SCAMP1: variants seen among roughly 807,000 people sequenced by gnomAD.
The protein encoded by SCAMP1 is secretory carrier membrane protein 1.
In SCAMP1, 15 loss-of-function variants were observed where a neutral mutation model predicts 41.8. That is an observed-to-expected ratio of 0.36 (90% CI 0.24 to 0.55). The LOEUF (loss-of-function observed/expected upper bound fraction) is 0.55. Ranked by LOEUF, SCAMP1 falls within the 20% of genes least tolerant of loss-of-function variation. SCAMP1 has a pLI of 0.86. For missense variants in SCAMP1, 341 were observed against 412.6 expected, an observed-to-expected ratio of 0.83 and a Z score of 1.50; for synonymous variants, 135 against 136.8, an observed-to-expected ratio of 0.99 and a Z score of 0.09.
At chr5:78,431,427 A>G (rs555362091) in intron 6 of SCAMP1, among the ~76,000 whole-genome samples, 57 of 151,706 alleles carry the variant, frequency 3.8e-4, no homozygotes, top group African/African-American at 1.4e-3. Context: ...TGCTTATGCC[A>G]TTTATATTTA....
intron 2 of SCAMP1, among the ~76,000 whole-genome samples, chr5:78,395,702 C>G (rs570854119): frequency 1.9e-4 from 29 of 152,300 alleles, no homozygotes; most frequent in African/African-American, 6.7e-4. Flanking sequence ...AGCTGGAGGC[C>G]AACCATTGAT....
intron 2 of SCAMP1, among the ~76,000 whole-genome samples, chr5:78,395,742 T>A (rs1271741988): frequency 6.6e-6 from 1 of 152,256 alleles, no homozygotes; most frequent in African/African-American, 2.4e-5. Flanking sequence ...CTCCAGAGGC[T>A]GTATAGTTTC....
At chr5:78,440,830 GCCT>G (rs1411046516) in intron 6 of SCAMP1, among the ~76,000 whole-genome samples, 3 of 152,340 alleles carry the variant, frequency 2.0e-5, no homozygotes, top group African/African-American at 7.2e-5. Flanking sequence ...AGGCAGGCAG[GCCT>G]CCTTGAGTTG....
intron 6 of SCAMP1, among the ~76,000 whole-genome samples, chr5:78,422,568 G>T (rs1173772239): frequency 2.0e-5 from 3 of 150,514 alleles, no homozygotes; most frequent in Non-Finnish European, 2.9e-5. Flanking sequence ...GGTGCTGGGG[G>T]AGAAAAAAAG....
Position 78,480,245 on chromosome 5 carries a change from A to G in SCAMP1, c.*4577A>G, listed in dbSNP as rs1754110049. ...CCCTCCTAACACTAAAAGCCATTTA[A>G]TCTTTTCTGTAATAGGAGCAGAAAA... is the stretch of plus-strand genomic sequence containing the variant. On this transcript the variant is annotated 3_prime_UTR_variant, in exon 9 of 9. Coordinates refer to ENST00000621999, the MANE Select transcript of SCAMP1 (RefSeq NM_004866.6). 6.6e-6 allele frequency among the ~76,000 whole-genome samples: 1 copy of G among 152,192 alleles called. No homozygotes were observed. Among genetic ancestry groups the G allele is most frequent in the South Asian group, 2.1e-4 (1 of 4,832 alleles).
chr5:78,364,205 C>T (rs147568284), intron 1 of SCAMP1, among the ~76,000 whole-genome samples: 89 of 152,174 alleles, frequency 5.8e-4, no homozygotes, highest in African/African-American at 1.9e-3. Context: ...GTTTAATAAC[C>T]AGCAGAGGTC....
At chr5:78,426,180 T>A (rs534822144) in intron 6 of SCAMP1, among the ~76,000 whole-genome samples, 1 of 152,344 alleles carries the variant, frequency 6.6e-6, no homozygotes, top group South Asian at 2.1e-4. Flanking sequence ...CACATTTTCT[T>A]TATCCAATCT....
At chr5:78,429,345 GTTT>G (rs781320541) in intron 6 of SCAMP1, among the ~76,000 whole-genome samples, 64 of 96,682 alleles carry the variant, frequency 6.6e-4, no homozygotes, top group African/African-American at 2.0e-3. Context: ...TGTTGAGTTG[GTTT>G]TTTTTTTTTT....
chr5:78,394,738 A>G (rs1401736581), intron 2 of SCAMP1, among the ~76,000 whole-genome samples: 1 of 151,666 alleles, frequency 6.6e-6, no homozygotes, highest in Non-Finnish European at 1.5e-5. Flanking sequence ...CTTGGAGCTC[A>G]TTATCTGTCC....
At chr5:78,417,158 G>A (rs1017536946) in intron 4 of SCAMP1, among the ~76,000 whole-genome samples, 2 of 152,160 alleles carry the variant, frequency 1.3e-5, no homozygotes, top group Admixed American at 1.3e-4. Context: ...TATTAAGTTT[G>A]TGCCTGCCAA....
chr5:78,450,686 C>A (rs1367883306), intron 7 of SCAMP1, among the ~76,000 whole-genome samples: 1 of 152,164 alleles, frequency 6.6e-6, no homozygotes, highest in East Asian at 1.9e-4. Flanking sequence ...ATTATCTGTT[C>A]CTCTCTTCTT....
chr5:78,463,404 T>G (rs772086281), intron 8 of SCAMP1, among the ~76,000 whole-genome samples: 5 of 152,252 alleles, frequency 3.3e-5, no homozygotes, highest in Admixed American at 6.5e-5. Flanking sequence ...TCATCTTCCC[T>G]TATTATTTCA....
intron 2 of SCAMP1, among the ~76,000 whole-genome samples, chr5:78,390,891 A>C (rs1333970854): frequency 1.3e-4 from 20 of 150,884 alleles, no homozygotes; most frequent in Non-Finnish European, 2.5e-4. Context: ...CTGTTTAACA[A>C]AGCACATCTT....
intron 6 of SCAMP1, among the ~76,000 whole-genome samples, chr5:78,433,671 T>C (rs1299210669): frequency 6.6e-6 from 1 of 152,090 alleles, no homozygotes; most frequent in Non-Finnish European, 1.5e-5. Flanking sequence ...GTTTCCCCTT[T>C]GTGCCTGCCC....
intron 2 of SCAMP1, among the ~76,000 whole-genome samples, chr5:78,392,153 G>C (rs1388178556): frequency 2.0e-5 from 3 of 152,196 alleles, no homozygotes; most frequent in Non-Finnish European, 4.4e-5. Flanking sequence ...AATATGTTTA[G>C]CATTTTTATA....
chr5:78,463,846 A>G (rs1753675391), intron 8 of SCAMP1, among the ~76,000 whole-genome samples: 1 of 145,018 alleles, frequency 6.9e-6, no homozygotes, highest in African/African-American at 2.6e-5. Flanking sequence ...AATGCATAGT[A>G]TACAGATTTT....
At chr5:78,423,757 T>C (rs1318881176) in intron 6 of SCAMP1, among the ~76,000 whole-genome samples, 1 of 152,178 alleles carries the variant, frequency 6.6e-6, no homozygotes, top group Non-Finnish European at 1.5e-5. Flanking sequence ...ATCCCTAGGC[T>C]GAGTTTTTAG....
At chr5:78,391,489 T>A (rs927939851) in intron 2 of SCAMP1, among the ~76,000 whole-genome samples, 2 of 151,338 alleles carry the variant, frequency 1.3e-5, no homozygotes, top group Non-Finnish European at 2.9e-5. Flanking sequence ...ATGGGGTGGC[T>A]GCAGGGCGGA....
chr5:78,459,763 T>G, intron 8 of SCAMP1, among the ~76,000 whole-genome samples: 1 of 152,312 alleles, frequency 6.6e-6, no homozygotes, highest in East Asian at 1.9e-4. Flanking sequence ...TTTTGTTTTG[T>G]TTTTTAATTT....
Sources: gnomAD v4.1 joint callset for allele counts (sites outside exome capture counted in the v4.1 genomes callset) on GRCh38, gnomAD v4.1.1 for gene constraint, MANE v1.5 for transcripts, NCBI Gene and HGNC (gene_info 2026-07-23, HGNC 2026-07-21) for gene names.